SUMF1: variants seen among roughly 807,000 people sequenced by gnomAD.
SUMF1 encodes the protein sulfatase modifying factor 1, also known as formylglycine-generating enzyme.
SUMF1 carries 48 observed loss-of-function variants against 47.6 expected under a neutral mutation model. That is an observed-to-expected ratio of 1.01 (90% CI 0.80 to 1.28). The LOEUF is 1.28. SUMF1 is among the 50% of genes most tolerant of loss of function. SUMF1 has a pLI of 0.00. For missense variants in SUMF1, 571 were observed against 485.4 expected, an observed-to-expected ratio of 1.18 and a Z score of -1.66; for synonymous variants, 230 against 192.1, an observed-to-expected ratio of 1.20 and a Z score of -1.63.
intron 8 of SUMF1, among the ~76,000 whole-genome samples, chr3:4,189,087 G>A (rs1695261857): frequency 6.6e-6 from 1 of 152,064 alleles, no homozygotes; most frequent in African/African-American, 2.4e-5. Flanking sequence ...TCAGAACATG[G>A]TAGAATGATA....
intron 8 of SUMF1, among the ~76,000 whole-genome samples, chr3:4,269,549 T>C: frequency 6.6e-6 from 1 of 152,186 alleles, no homozygotes. Flanking sequence ...ATATTCCAAA[T>C]TACTTGGTAT....
intron 3 of SUMF1, among the ~76,000 whole-genome samples, chr3:4,426,027 C>A (rs1379267559): frequency 6.6e-6 from 1 of 152,196 alleles, no homozygotes; most frequent in Non-Finnish European, 1.5e-5. Flanking sequence ...ATGATTCAAT[C>A]ACCTACCACC....
chr3:4,332,523 T>C (rs1309864049), intron 8 of SUMF1, among the ~76,000 whole-genome samples: 1 of 152,238 alleles, frequency 6.6e-6, no homozygotes, highest in Non-Finnish European at 1.5e-5. Context: ...AAGCAAAGTA[T>C]GACTTGTCAC....
chr3:4,188,902 T>C lies in SUMF1; in HGVS notation c.1015-120157A>G, dbSNP rs77384567. Reference sequence around the variant, plus strand: ...TAATTTGAGTAAACACTACAATTAATACATGTTATATGTAATAAATCTTAG... The same window carrying C: ...TAATTTGAGTAAACACTACAATTAACACATGTTATATGTAATAAATCTTAG... On this transcript the variant is annotated intron_variant and NMD_transcript_variant, in intron 8 of 12. Coordinates refer to the SUMF1 transcript ENST00000448413. 9.3e-3 allele frequency among the ~76,000 whole-genome samples: 1,410 copies of C among 152,302 alleles called. 20 individuals carry two copies. Among genetic ancestry groups the C allele is most frequent in the Admixed American group, 0.017 (261 of 15,284 alleles).
intron 8 of SUMF1, among the ~76,000 whole-genome samples, chr3:4,347,347 G>A (rs1394821336): frequency 6.6e-6 from 1 of 152,166 alleles, no homozygotes; most frequent in East Asian, 1.9e-4. Context: ...AATCAAGTGG[G>A]CTTCATCACT....
intron 8 of SUMF1, among the ~76,000 whole-genome samples, chr3:4,369,253 A>G (rs1700093326): frequency 6.6e-6 from 1 of 152,178 alleles, no homozygotes; most frequent in Admixed American, 6.5e-5. Context: ...ATATAACATT[A>G]GCAATTCTCA....
intron 8 of SUMF1, among the ~76,000 whole-genome samples, chr3:4,209,670 C>A (rs536126763): frequency 3.3e-5 from 5 of 151,900 alleles, no homozygotes; most frequent in Non-Finnish European, 7.4e-5. Flanking sequence ...CCAAATGATC[C>A]TTAAACACAT....
intron 8 of SUMF1, among the ~76,000 whole-genome samples, chr3:4,255,756 C>G (rs1191726710): frequency 8.0e-6 from 1 of 125,364 alleles, no homozygotes; most frequent in Non-Finnish European, 1.7e-5. Flanking sequence ...AGCTCTGCAC[C>G]AAGCGGACCT....
chr3:4,038,492 CG>C (rs1559418278), intron 9 of SUMF1, among the ~76,000 whole-genome samples: 1 of 152,048 alleles, frequency 6.6e-6, no homozygotes, highest in Admixed American at 6.5e-5. Flanking sequence ...CAGTTGCTCC[CG>C]GGGGATCCGC....
intron 8 of SUMF1, among the ~76,000 whole-genome samples, chr3:4,269,479 C>T (rs1053647070): frequency 6.6e-6 from 1 of 152,158 alleles, no homozygotes; most frequent in Non-Finnish European, 1.5e-5. Flanking sequence ...AGTCATGAAT[C>T]ATAATTAAAG....
intron 7 of SUMF1, among the ~76,000 whole-genome samples, chr3:4,389,095 TTTTC>T (rs1311669243): frequency 6.6e-6 from 1 of 152,182 alleles, no homozygotes; most frequent in African/African-American, 2.4e-5. Context: ...TCTTTAATCA[TTTTC>T]TTTCTGTTTA....
chr3:4,459,675 C>T (rs1389944665), intron 1 of SUMF1, among the ~76,000 whole-genome samples: 1 of 152,178 alleles, frequency 6.6e-6, no homozygotes, highest in Non-Finnish European at 1.5e-5. Context: ...ATCCCCTACT[C>T]CCAATATTAC....
chr3:4,182,703 T>C lies in SUMF1; in HGVS notation c.1015-113958A>G, dbSNP rs539194072. On this transcript the variant is annotated intron_variant and NMD_transcript_variant, in intron 8 of 12. Transcript: ENST00000448413. ...AATTTCAGGCATGATGGCAGGACAA[T>C]GGGAAGATCTTATTGGACTTCAGGT... is the stretch of plus-strand genomic sequence containing the variant. 2.5e-3 allele frequency among the ~76,000 whole-genome samples: 377 copies of C among 152,240 alleles called. 1 individual carries two copies. Among genetic ancestry groups the C allele is most frequent in the Non-Finnish European group, 3.5e-3 (240 of 68,014 alleles).
chr3:4,087,342 C>CA (rs1692693567), intron 8 of SUMF1, among the ~76,000 whole-genome samples: 1 of 152,100 alleles, frequency 6.6e-6, no homozygotes, highest in Non-Finnish European at 1.5e-5. Context: ...CTTTCAATTA[C>CA]ACCTCAAAAT....
intron 8 of SUMF1, among the ~76,000 whole-genome samples, chr3:4,072,799 G>C (rs537959863): frequency 6.6e-6 from 1 of 152,136 alleles, no homozygotes; most frequent in East Asian, 1.9e-4. Flanking sequence ...AGAGTGAAGA[G>C]AAATGAACAA....
intron 8 of SUMF1, among the ~76,000 whole-genome samples, chr3:4,295,751 C>T (rs1482079827): frequency 6.6e-6 from 1 of 152,040 alleles, no homozygotes; most frequent in Non-Finnish European, 1.5e-5. Flanking sequence ...TCAAACAATC[C>T]ACATTTGACT....
intron 9 of SUMF1, among the ~76,000 whole-genome samples, chr3:4,063,013 G>C (rs2125028593): frequency 6.6e-6 from 1 of 152,154 alleles, no homozygotes; most frequent in South Asian, 2.1e-4. Context: ...ATAATGAATA[G>C]TCCTCCCAGG....
intron 8 of SUMF1, among the ~76,000 whole-genome samples, chr3:4,203,039 T>C (rs539659526): frequency 6.6e-6 from 1 of 151,938 alleles, no homozygotes; most frequent in South Asian, 2.1e-4. Flanking sequence ...AGGAGAAAAA[T>C]GTACTGAGAA....
At chr3:4,344,085 A>T (rs1268030908) in intron 8 of SUMF1, among the ~76,000 whole-genome samples, 3 of 152,264 alleles carry the variant, frequency 2.0e-5, no homozygotes, top group Non-Finnish European at 4.4e-5. Flanking sequence ...AAGATGACTG[A>T]CTAGAAGCAG....
Sources: gnomAD v4.1 joint callset for allele counts (sites outside exome capture counted in the v4.1 genomes callset) on GRCh38, gnomAD v4.1.1 for gene constraint, MANE v1.5 for transcripts, NCBI Gene and HGNC (gene_info 2026-07-23, HGNC 2026-07-21) for gene names.